Variants in SEMA6A observed in about 807,000 individuals in gnomAD.
SEMA6A encodes semaphorin 6A, also known as semaphorin-6A.
A neutral mutation model predicts 96.8 loss-of-function variants in SEMA6A; 25 were observed. The observed-to-expected ratio is 0.26, with a 90% CI of 0.19 to 0.36. The LOEUF is 0.36. Ranked by LOEUF, SEMA6A falls within the 10% of genes least tolerant of loss-of-function variation. The pLI is 1.00. For missense variants in SEMA6A, 1,363 were observed against 1,323.1 expected, an observed-to-expected ratio of 1.03 and a Z score of -0.47; for synonymous variants, 612 against 518.0, an observed-to-expected ratio of 1.18 and a Z score of -2.46.
At chr5:116,475,347 C>T (rs1580405815) in intron 16 of SEMA6A, among the ~76,000 whole-genome samples, 198 bp downstream of exon 16, 1 of 152,266 alleles carries the variant, frequency 6.6e-6, no homozygotes, top group Non-Finnish European at 1.5e-5. Flanking sequence ...TAGGTGCCAG[C>T]ATTTATAGTG....
intron 1 of SEMA6A, among the ~76,000 whole-genome samples, chr5:116,511,909 C>G (rs533956368): frequency 6.6e-6 from 1 of 152,270 alleles, no homozygotes; most frequent in Non-Finnish European, 1.5e-5. Flanking sequence ...GCTTCAGTAG[C>G]TGATAGGATA....
intron 17 of SEMA6A, among the ~76,000 whole-genome samples, chr5:116,470,738 T>C (rs1365328510): frequency 2.6e-5 from 4 of 152,176 alleles, no homozygotes; most frequent in African/African-American, 9.7e-5. Flanking sequence ...TCCCTTTTCC[T>C]GGGTTGGGCA....
At chr5:116,479,640 G>A (rs140354385) in intron 12 of SEMA6A, among the ~76,000 whole-genome samples, 136 of 152,250 alleles carry the variant, frequency 8.9e-4, no homozygotes, top group East Asian at 7.9e-3. Context: ...CTGTCCCTTC[G>A]CTGTTGGCCA....
intron 18 of SEMA6A, among the ~76,000 whole-genome samples, chr5:116,457,206 A>G (rs2112610356): frequency 6.6e-6 from 1 of 152,310 alleles, no homozygotes; most frequent in South Asian, 2.1e-4. Flanking sequence ...CTTAGGGTAT[A>G]TTTATTACCT....
In SEMA6A at chr5:116,446,009, C is replaced by A. The variant is rs1754154733; in HGVS notation, c.*604G>T. On this transcript the variant is annotated 3_prime_UTR_variant, in exon 19 of 19. Transcript: ENST00000343348. ...TGCCCAACATGGCATTTATCTGCTG[C>A]AACAGAAAGCTGTAACACTGGCGGG... 6.5e-6 allele frequency: 1 copy of A among 152,730 alleles called. No homozygotes were observed. The highest frequency in any genetic ancestry group is 1.9e-4 in the East Asian group (1 of 5,182). The allele number at this position is 152,730 out of a possible 1,614,324, so 9.5% of individuals were successfully genotyped here. A position where few individuals can be genotyped will look rare whatever the true frequency, so the allele number is the denominator to read the frequency against.
chr5:116,504,503 T>C (rs1265742778), intron 2 of SEMA6A, among the ~76,000 whole-genome samples: 1 of 152,194 alleles, frequency 6.6e-6, no homozygotes, highest in Non-Finnish European at 1.5e-5. Context: ...ATGAATTATA[T>C]ATAAAAGCGA....
At chr5:116,569,264 T>C (rs1364125713) in intron 1 of SEMA6A, among the ~76,000 whole-genome samples, 2 of 152,098 alleles carry the variant, frequency 1.3e-5, no homozygotes, top group African/African-American at 2.4e-5. Context: ...ACCTGAAGAA[T>C]ATGAGAAGCA....
At chr5:116,467,893 T>G in intron 17 of SEMA6A, 146 bp from the exon 18 acceptor site, 3 of 570,270 alleles carry the variant, frequency 5.3e-6, no homozygotes, top group Non-Finnish European at 3.0e-6. Flanking sequence ...GTGGTGGTGG[T>G]GGTGGTGGTG....
intron 1 of SEMA6A, among the ~76,000 whole-genome samples, chr5:116,543,854 C>G (rs1347375916): frequency 6.6e-6 from 1 of 152,240 alleles, no homozygotes; most frequent in Non-Finnish European, 1.5e-5. Context: ...GATGCCAAAA[C>G]TAGCACGTTT....
At chr5:116,497,880 C>T (rs1757678374) in intron 3 of SEMA6A, among the ~76,000 whole-genome samples, 1 of 152,186 alleles carries the variant, frequency 6.6e-6, no homozygotes, top group Non-Finnish European at 1.5e-5. Context: ...ACTATTTGAT[C>T]GACAGGATGG....
At chr5:116,489,051 A>T in intron 7 of SEMA6A, 44 bp from the exon 8 acceptor site, 3 of 1,528,210 alleles carry the variant, frequency 2.0e-6, no homozygotes, top group Non-Finnish European at 1.8e-6. Context: ...GGAGCAAGTC[A>T]GTGGGGGTGG....
chr5:116,553,639 A>C (rs1760501178), intron 1 of SEMA6A, among the ~76,000 whole-genome samples: 1 of 152,312 alleles, frequency 6.6e-6, no homozygotes, highest in Non-Finnish European at 1.5e-5. Context: ...CAATGGACTC[A>C]ATAGTACCCG....
intron 1 of SEMA6A, among the ~76,000 whole-genome samples, chr5:116,565,989 C>T (rs1480635729): frequency 5.9e-5 from 9 of 151,786 alleles, no homozygotes; most frequent in Non-Finnish European, 1.3e-4. Flanking sequence ...CTTTAAAAAA[C>T]GAATCAGGAA....
intron 10 of SEMA6A, among the ~76,000 whole-genome samples, chr5:116,485,730 A>AAAAC (rs1262597888): frequency 6.6e-6 from 1 of 152,230 alleles, no homozygotes; most frequent in Non-Finnish European, 1.5e-5. Flanking sequence ...AATTCAAAGC[A>AAAAC]AAACAGTATT....
In SEMA6A at chr5:116,542,691, C is replaced by T. The variant is rs114498994; in HGVS notation, c.-39+31494G>A. 4.3e-3 allele frequency among the ~76,000 whole-genome samples: 655 copies of T among 152,248 alleles called. 5 individuals carry two copies. The highest frequency in any genetic ancestry group is 0.015 in the African/African-American group (630 of 41,528). ...TGATCATTTGCAGAAAGTGGAGCAC[C>T]GCAAAACCTGTGAGGGTTACCATTA... On this transcript the variant is annotated intron_variant, in intron 1 of 18. Coordinates refer to ENST00000343348, the MANE Select transcript of SEMA6A (RefSeq NM_020796.5).
chr5:116,530,370 T>G (rs1759412767), intron 1 of SEMA6A, among the ~76,000 whole-genome samples: 1 of 152,190 alleles, frequency 6.6e-6, no homozygotes, highest in Non-Finnish European at 1.5e-5. Flanking sequence ...GTATTTTCTC[T>G]TAGCTCACTA....
chr5:116,500,245 T>C (rs1194427394), intron 3 of SEMA6A, among the ~76,000 whole-genome samples: 2 of 152,222 alleles, frequency 1.3e-5, no homozygotes, highest in Admixed American at 6.5e-5. Context: ...GTACCAGCTC[T>C]ATTCCTCAGT....
chr5:116,530,488 G>A (rs1759421068), intron 1 of SEMA6A, among the ~76,000 whole-genome samples: 1 of 152,138 alleles, frequency 6.6e-6, no homozygotes, highest in Admixed American at 6.6e-5. Flanking sequence ...TAACTCAGCT[G>A]TTCCATACCG....
intron 10 of SEMA6A, among the ~76,000 whole-genome samples, chr5:116,485,184 G>T (rs905739798): frequency 1.3e-5 from 2 of 152,132 alleles, no homozygotes; most frequent in East Asian, 3.8e-4. Context: ...TTTCTTAGGG[G>T]CCGTTTAAGA....
Sources: gnomAD v4.1 joint callset for allele counts (sites outside exome capture counted in the v4.1 genomes callset) on GRCh38, gnomAD v4.1.1 for gene constraint, MANE v1.5 for transcripts, NCBI Gene and HGNC (gene_info 2026-07-23, HGNC 2026-07-21) for gene names.